The following MDGA2 variants were observed in gnomAD, a reference collection of about 807,000 sequenced individuals.
The protein encoded by MDGA2 is MAM domain containing glycosylphosphatidylinositol anchor 2.
In MDGA2, 40 loss-of-function variants were observed where a neutral mutation model predicts 117.8. The observed-to-expected ratio is 0.34, with a 90% CI of 0.26 to 0.44. MDGA2 has a LOEUF of 0.44. Ranked by LOEUF, MDGA2 falls within the 20% of genes least tolerant of loss-of-function variation. The pLI is 1.00. For synonymous variants in MDGA2, 452 were observed against 439.0 expected (o/e 1.03, Z -0.37); for missense variants, 1,123 against 1,250.6 (o/e 0.90, Z 1.54).
chr14:47,169,664 A>G (rs974394657), intron 3 of MDGA2, among the ~76,000 whole-genome samples: 3 of 152,078 alleles, frequency 2.0e-5, no homozygotes, highest in Non-Finnish European at 4.4e-5. Flanking sequence ...GCCTAGCATT[A>G]GCTTAAAAAC....
At chr14:47,300,649 C>T (rs1209304151) in intron 2 of MDGA2, among the ~76,000 whole-genome samples, 1 of 151,184 alleles carries the variant, frequency 6.6e-6, no homozygotes, top group South Asian at 2.1e-4. Context: ...AACACCAGGC[C>T]CAGATAATTT....
chr14:47,469,873 T>C (rs1237102872), intron 1 of MDGA2, among the ~76,000 whole-genome samples: 1 of 152,132 alleles, frequency 6.6e-6, no homozygotes, highest in Non-Finnish European at 1.5e-5. Flanking sequence ...TTTCATGTTA[T>C]ATTAGAAGGG....
intron 6 of MDGA2, among the ~76,000 whole-genome samples, chr14:47,084,702 T>C (rs1029996717): frequency 6.6e-6 from 1 of 152,116 alleles, no homozygotes; most frequent in Non-Finnish European, 1.5e-5. Flanking sequence ...GGAGACCTCA[T>C]GAGTGGGATT....
At chr14:47,227,275 C>T (rs1353244093) in intron 2 of MDGA2, among the ~76,000 whole-genome samples, 1 of 152,066 alleles carries the variant, frequency 6.6e-6, no homozygotes, top group African/African-American at 2.4e-5. Flanking sequence ...ATTCCCTACC[C>T]CTGTGACTCT....
At chr14:47,607,298 T>A (rs146126065) in intron 1 of MDGA2, among the ~76,000 whole-genome samples, 4 of 152,256 alleles carry the variant, frequency 2.6e-5, no homozygotes, top group Non-Finnish European at 5.9e-5. Flanking sequence ...TTTACAAAGA[T>A]AGGTATTTCA....
At chr14:47,624,370 A>G (rs191781134) in intron 1 of MDGA2, among the ~76,000 whole-genome samples, 12 of 152,316 alleles carry the variant, frequency 7.9e-5, no homozygotes, top group African/African-American at 4.8e-5. Flanking sequence ...AGGCAGGACA[A>G]TCGTTTGAAC....
chr14:46,948,831 T>C (rs184676275), intron 9 of MDGA2, among the ~76,000 whole-genome samples: 14 of 152,124 alleles, frequency 9.2e-5, no homozygotes, highest in Admixed American at 3.3e-4. Context: ...ACTGGCCTCA[T>C]TGGTTCCAGC....
chr14:47,673,954 C>T (rs1898124283), intron 1 of MDGA2, among the ~76,000 whole-genome samples: 1 of 152,008 alleles, frequency 6.6e-6, no homozygotes, highest in African/African-American at 2.4e-5. Flanking sequence ...GAGAATCTTG[C>T]CTGCTATTTT....
At chr14:47,132,656 C>T (rs944132226) in intron 4 of MDGA2, among the ~76,000 whole-genome samples, 3 of 151,824 alleles carry the variant, frequency 2.0e-5, no homozygotes, top group Admixed American at 1.3e-4. Context: ...AAATTAGGTC[C>T]CCTGGGCTTT....
chr14:47,517,343 A>G (rs1360861744), intron 1 of MDGA2, among the ~76,000 whole-genome samples: 2 of 152,202 alleles, frequency 1.3e-5, no homozygotes, highest in Admixed American at 1.3e-4. Flanking sequence ...GTAAAAGTTA[A>G]TGCAGAGATA....
intron 6 of MDGA2, among the ~76,000 whole-genome samples, chr14:47,094,067 A>G (rs1879822356): frequency 6.6e-6 from 1 of 152,062 alleles, no homozygotes. Flanking sequence ...GAATTTCTTG[A>G]CTTCTGTAGA....
At chr14:47,617,582 G>A (rs1022751238) in intron 1 of MDGA2, among the ~76,000 whole-genome samples, 1 of 152,076 alleles carries the variant, frequency 6.6e-6, no homozygotes, top group Admixed American at 6.6e-5. Flanking sequence ...AACAATTTCT[G>A]CACTAAACCT....
intron 7 of MDGA2, among the ~76,000 whole-genome samples, chr14:47,060,758 T>A (rs1889853683): frequency 6.6e-6 from 1 of 152,100 alleles, no homozygotes; most frequent in South Asian, 2.1e-4. Flanking sequence ...AAAAATCACA[T>A]CTGACTACAA....
intron 8 of MDGA2, among the ~76,000 whole-genome samples, chr14:46,992,610 A>G (rs940932464): frequency 6.6e-6 from 1 of 152,146 alleles, no homozygotes; most frequent in African/African-American, 2.4e-5. Flanking sequence ...AATGTTTTTC[A>G]CTCAAGAATA....
At chr14:47,045,561 T>G (rs1430187057) in intron 7 of MDGA2, among the ~76,000 whole-genome samples, 1 of 152,164 alleles carries the variant, frequency 6.6e-6, no homozygotes, top group Non-Finnish European at 1.5e-5. Context: ...GCAAGATATT[T>G]CAGCTTGTTA....
chr14:47,018,340 T>C (rs1888157500), intron 8 of MDGA2, among the ~76,000 whole-genome samples: 1 of 152,006 alleles, frequency 6.6e-6, no homozygotes, highest in African/African-American at 2.4e-5. Context: ...CTCACTCAGA[T>C]GGGAATTAAC....
At chr14:47,655,709 C>T (rs1195096163) in intron 1 of MDGA2, among the ~76,000 whole-genome samples, 1 of 152,114 alleles carries the variant, frequency 6.6e-6, no homozygotes, top group African/African-American at 2.4e-5. Context: ...GAAGGTAGCA[C>T]AATCCATAAC....
intron 3 of MDGA2, among the ~76,000 whole-genome samples, chr14:47,172,353 G>C (rs925318008): frequency 6.6e-6 from 1 of 151,844 alleles, no homozygotes; most frequent in Non-Finnish European, 1.5e-5. Flanking sequence ...CCTCAAGTGG[G>C]TCCCTGACCC....
intron 2 of MDGA2, among the ~76,000 whole-genome samples, chr14:47,226,812 C>A (rs768067431): frequency 3.9e-5 from 6 of 152,096 alleles, no homozygotes; most frequent in Non-Finnish European, 7.4e-5. Context: ...TTTAATGCCA[C>A]AACAAGCTTA....
Sources: gnomAD v4.1 joint callset for allele counts (sites outside exome capture counted in the v4.1 genomes callset) on GRCh38, gnomAD v4.1.1 for gene constraint, MANE v1.5 for transcripts, NCBI Gene and HGNC (gene_info 2026-07-23, HGNC 2026-07-21) for gene names.